Variants in ADAMTS9 observed in about 807,000 individuals in gnomAD.
The protein encoded by ADAMTS9 is A disintegrin and metalloproteinase with thrombospondin motifs 9.
ADAMTS9 carries 107 observed loss-of-function variants against 257.1 expected under a neutral mutation model. The ratio of observed to expected loss-of-function variants is 0.42; its 90% CI spans 0.36 to 0.49. The LOEUF is 0.49. Ranked by LOEUF, ADAMTS9 falls within the 20% of genes least tolerant of loss-of-function variation. ADAMTS9 has a pLI of 0.03. For missense variants in ADAMTS9, 2,353 were observed against 2,469.1 expected, an observed-to-expected ratio of 0.95 and a Z score of 1.00; for synonymous variants, 982 against 880.9, an observed-to-expected ratio of 1.11 and a Z score of -2.03.
rs1199439226 is a variant in ADAMTS9 at position 64,615,314 on chromosome 3, A to C, written c.3189+7T>G. 1.9e-6 allele frequency: 3 copies of C among 1,613,054 alleles called. No individual in the cohort carries two copies. The highest frequency in any genetic ancestry group is 2.5e-6 in the Non-Finnish European group (3 of 1,179,464). ...ACCTAGGGGAAATAACAGCCCTCCC[A>C]TCTTACCTCTGACCAGTCTCCAGAT... On this transcript the variant is annotated splice_region_variant and intron_variant, in intron 21 of 39. Coordinates refer to ENST00000498707, the MANE Select transcript of ADAMTS9 (RefSeq NM_182920.2).
intron 30 of ADAMTS9, among the ~76,000 whole-genome samples, chr3:64,552,470 A>G (rs1298529373): frequency 6.6e-6 from 1 of 152,148 alleles, no homozygotes; most frequent in Non-Finnish European, 1.5e-5. Flanking sequence ...GGACTGCTGC[A>G]GTTTCTTAAT....
chr3:64,660,648 C>G (rs901339986), intron 3 of ADAMTS9, among the ~76,000 whole-genome samples: 2 of 152,150 alleles, frequency 1.3e-5, no homozygotes, highest in Admixed American at 6.6e-5. Context: ...TTCCGGTGAT[C>G]AGATCGACTG....
chr3:64,660,006 T>C (rs574415987), intron 3 of ADAMTS9, among the ~76,000 whole-genome samples: 1 of 152,322 alleles, frequency 6.6e-6, no homozygotes, highest in East Asian at 1.9e-4. Flanking sequence ...AAGTTTATAT[T>C]ACTGATGAAA....
At chr3:64,517,240 ATTTTAT>A (rs1225345731) in intron 39 of ADAMTS9, 119 bp from the exon 40 acceptor site, 2 of 151,792 alleles carry the variant, frequency 1.3e-5, no homozygotes, top group Admixed American at 6.6e-5. Context: ...TTTTCTCTAG[ATTTTAT>A]TTTTATTTTT....
intron 16 of ADAMTS9, among the ~76,000 whole-genome samples, chr3:64,625,181 C>T (rs4688492): frequency 0.99 from 151,314 of 152,304 alleles, 75,175 homozygotes; most frequent in Middle Eastern, 1. Flanking sequence ...TGGTAACAGC[C>T]GCCCAAGAAA....
intron 2 of ADAMTS9, among the ~76,000 whole-genome samples, chr3:64,681,904 C>T (rs567707606): frequency 2.0e-5 from 3 of 152,192 alleles, no homozygotes; most frequent in South Asian, 2.1e-4. Context: ...TGCAGGCTGT[C>T]GAAAGAGTCT....
chr3:64,592,485 A>G (rs1250652108), intron 28 of ADAMTS9: 1 of 152,200 alleles, frequency 6.6e-6, no homozygotes, highest in Admixed American at 6.5e-5. Context: ...CTCTTAAAAT[A>G]TCTGTGGGGG....
chr3:64,530,115 C>T (rs1420414717), intron 38 of ADAMTS9, among the ~76,000 whole-genome samples: 1 of 149,368 alleles, frequency 6.7e-6, no homozygotes, highest in African/African-American at 2.5e-5. Flanking sequence ...CAAGGCACTA[C>T]ATCTGGCCAC....
At chr3:64,618,539 T>C (rs1700023097) in intron 19 of ADAMTS9, among the ~76,000 whole-genome samples, 1 of 152,094 alleles carries the variant, frequency 6.6e-6, no homozygotes, top group Non-Finnish European at 1.5e-5. Context: ...TGGATGTGAG[T>C]GTCAATTAAG....
At chr3:64,663,729 T>G (rs938484672) in intron 3 of ADAMTS9, among the ~76,000 whole-genome samples, 2 of 152,108 alleles carry the variant, frequency 1.3e-5, no homozygotes, top group African/African-American at 4.8e-5. Flanking sequence ...TCAGCATACT[T>G]TAGGTGGCAT....
intron 28 of ADAMTS9, among the ~76,000 whole-genome samples, chr3:64,578,647 C>T (rs1255120295): frequency 2.0e-5 from 3 of 152,168 alleles, no homozygotes; most frequent in Non-Finnish European, 4.4e-5. Flanking sequence ...CTACACATCT[C>T]AAACTTAACA....
At chr3:64,620,995 C>A (rs1700089458) in intron 19 of ADAMTS9, 119 bp downstream of exon 19, 2 of 1,296,184 alleles carry the variant, frequency 1.5e-6, no homozygotes, top group East Asian at 4.7e-5. Flanking sequence ...GCTTATTTCA[C>A]TGAAACACAA....
rs752972692 is a variant in ADAMTS9 at position 64,601,979 on chromosome 3, C to T, written c.3982G>A (p.Gly1328Ser). 1.8e-5 allele frequency: 29 copies of T among 1,612,600 alleles called. No individual in the cohort carries two copies. The highest frequency in any genetic ancestry group is 3.3e-4 in the Middle Eastern group (2 of 6,076). ...GGGCCAGTTCTCCACTGGTTTCCAC[C>T]GAGCACATGGGTGCGGCTGGGGCTG... ...SASPSRTHVL[G>S]GNQWRTGPWG... Residue 1328 changes from glycine (G) to serine (S), a missense_variant, in exon 26 of 40, where the codon GGT (glycine) becomes AGT (serine). By Grantham distance (56) the Gly-to-Ser change is moderately conservative. This residue lies in a region of ADAMTS9 where 1,402 missense variants were observed against 1,441.4 expected (regional missense o/e 0.97). Coordinates refer to ENST00000498707, the MANE Select transcript of ADAMTS9 (RefSeq NM_182920.2).
In ADAMTS9 at chr3:64,568,370, G is replaced by T; in HGVS notation, c.4522C>A (p.Gln1508Lys). The change falls in exon 29 of 40, where the codon CAG (glutamine) becomes AAG (lysine). Residue 1508 changes from glutamine (Q) to lysine (K), a missense_variant and splice_region_variant. Around this residue, in one of 3 missense-constraint regions of ADAMTS9, gnomAD observed 1,402 missense variants for 1,441.4 expected, o/e 0.97. Transcript: ENST00000498707. ...CPKWKAGAWS[Q>K]CSVSCGRGVQ... ...AGTAGAGGAGAAGCATTGCTCACCT[G>T]ACTCCAAGCGCCAGCTTTCCATTTG... 6.2e-7 allele frequency: 1 copy of T among 1,609,136 alleles called. No individual in the cohort carries two copies. Among genetic ancestry groups the T allele is most frequent in the South Asian group, 1.1e-5 (1 of 90,222 alleles).
At chr3:64,535,727 T>C (rs1358704192) in intron 37 of ADAMTS9, among the ~76,000 whole-genome samples, 3 of 151,870 alleles carry the variant, frequency 2.0e-5, no homozygotes, top group African/African-American at 4.8e-5. Flanking sequence ...CTAATTTTTA[T>C]TTTGGTAGAG....
At chr3:64,666,668 A>G (rs112229422) in intron 3 of ADAMTS9, among the ~76,000 whole-genome samples, 5 of 152,316 alleles carry the variant, frequency 3.3e-5, no homozygotes, top group African/African-American at 1.2e-4. Flanking sequence ...GCAAAGAGTA[A>G]CTGTGGAGAT....
chr3:64,655,753 C>G, intron 5 of ADAMTS9, 39 bp downstream of exon 5: 1 of 1,575,022 alleles, frequency 6.3e-7, no homozygotes, highest in African/African-American at 1.4e-5. Flanking sequence ...TATGCCATTT[C>G]GGATACAGAT....
intron 3 of ADAMTS9, among the ~76,000 whole-genome samples, chr3:64,680,545 C>T (rs12492549): frequency 1.3e-5 from 2 of 152,004 alleles, no homozygotes; most frequent in African/African-American, 4.8e-5. Context: ...ATGACATATC[C>T]TTGACAATGG....
At chr3:64,584,665 T>G (rs748224239) in intron 28 of ADAMTS9, among the ~76,000 whole-genome samples, 1 of 152,140 alleles carries the variant, frequency 6.6e-6, no homozygotes, top group African/African-American at 2.4e-5. Context: ...TTCCAACTTA[T>G]AGAAAGATTG....
Sources: gnomAD v4.1 joint callset for allele counts (sites outside exome capture counted in the v4.1 genomes callset) on GRCh38, gnomAD v4.1.1 for gene constraint, gnomAD v4.1.1 regional missense constraint, MANE v1.5 for transcripts, NCBI Gene and HGNC (gene_info 2026-07-23, HGNC 2026-07-21) for gene names.